FMN1: variants seen among roughly 807,000 people sequenced by gnomAD.
The protein encoded by FMN1 is formin-1.
In FMN1, 110 loss-of-function variants were observed where a neutral mutation model predicts 132.4. The ratio of observed to expected loss-of-function variants is 0.83; its 90% CI spans 0.71 to 0.97. The LOEUF (loss-of-function observed/expected upper bound fraction) is 0.97, where lower values mean the gene tolerates loss of function less well. FMN1 is among the 50% of genes least tolerant of loss of function. FMN1 has a pLI of 0.00. For missense variants in FMN1, 1,792 were observed against 1,705.3 expected (o/e 1.05, Z -0.90); for synonymous variants, 722 against 651.7 (o/e 1.11, Z -1.64).
At chr15:33,157,933 G>A (rs576560406) in intron 3 of FMN1, among the ~76,000 whole-genome samples, 16 of 150,954 alleles carry the variant, frequency 1.1e-4, no homozygotes, top group African/African-American at 3.9e-4. Context: ...GCAGTGGACT[G>A]AGATTGCGCC....
chr15:32,969,776 T>C (rs2031624161), intron 7 of FMN1, among the ~76,000 whole-genome samples: 1 of 152,238 alleles, frequency 6.6e-6, no homozygotes. Flanking sequence ...CCAATTTGCA[T>C]ATCAAACACA....
At chr15:33,056,125 T>G (rs958784579) in intron 6 of FMN1, among the ~76,000 whole-genome samples, 10 of 152,210 alleles carry the variant, frequency 6.6e-5, no homozygotes, top group Admixed American at 2.6e-4. Context: ...AAAATCCCTT[T>G]GAAACACTGT....
intron 6 of FMN1, among the ~76,000 whole-genome samples, chr15:33,010,457 G>A (rs1290748594): frequency 6.6e-6 from 1 of 152,002 alleles, no homozygotes; most frequent in African/African-American, 2.4e-5. Context: ...ACCAAAAAAA[G>A]GATGTTAATT....
intron 6 of FMN1, among the ~76,000 whole-genome samples, chr15:33,046,764 A>T (rs560968249): frequency 3.4e-4 from 51 of 152,000 alleles, no homozygotes; most frequent in East Asian, 3.3e-3. Flanking sequence ...CTCTCTGTGC[A>T]AACTGGTTGA....
chr15:33,178,711 C>T (rs994888127), intron 3 of FMN1, among the ~76,000 whole-genome samples: 1 of 152,180 alleles, frequency 6.6e-6, no homozygotes, highest in African/African-American at 2.4e-5. Flanking sequence ...CTGATAGATA[C>T]ACTGGCATTC....
At position 33,089,080 on chromosome 15, in the gene FMN1, A is replaced by G. The variant is rs77192199; in HGVS notation, c.1868-106T>C. ...CATAGACTTCTCTATGCTAGCTCTT[A>G]CTTTGCTTTCTAAGTTATATTTTTA... On this transcript the variant is annotated intron_variant, in intron 4 of 20. Transcript: ENST00000616417. The G allele has an allele frequency of 7.3e-3, 6,517 of 892,688 alleles. 308 individuals carry two copies. The African/African-American group carries it at 0.099, about 14-fold the overall frequency. The allele number at this position is 892,688 out of a possible 1,614,324, so 55.3% of individuals were successfully genotyped here.
At chr15:32,981,816 T>C (rs1351803894) in intron 7 of FMN1, among the ~76,000 whole-genome samples, 1 of 152,034 alleles carries the variant, frequency 6.6e-6, no homozygotes, top group Admixed American at 6.6e-5. Flanking sequence ...AAACACAATA[T>C]TGCACACAAT....
chr15:32,998,821 G>T (rs1205665907), intron 7 of FMN1, among the ~76,000 whole-genome samples: 1 of 152,140 alleles, frequency 6.6e-6, no homozygotes, highest in Non-Finnish European at 1.5e-5. Context: ...AACCATCATT[G>T]GCCCCCATGA....
intron 9 of FMN1, among the ~76,000 whole-genome samples, chr15:32,938,175 C>A (rs1483811433): frequency 1.3e-5 from 2 of 151,706 alleles, no homozygotes; most frequent in Admixed American, 6.6e-5. Context: ...GCAGGCAGAG[C>A]CATTTCTAAA....
At chr15:33,126,069 G>A (rs1025172518) in intron 4 of FMN1, among the ~76,000 whole-genome samples, 5 of 152,172 alleles carry the variant, frequency 3.3e-5, no homozygotes, top group African/African-American at 4.8e-5. Context: ...GTGGATGAAA[G>A]GGCTTTGCAG....
rs1595572470 is a variant in FMN1, at chr15:33,153,055, T to C, written c.1860A>G (p.Ser620=). 2.0e-6 allele frequency: 3 copies of C among 1,518,564 alleles called. No homozygotes were observed. Among genetic ancestry groups the C allele is most frequent in the Non-Finnish European group, 1.8e-6 (2 of 1,139,542 alleles). 94.1% of individuals were successfully genotyped at this position (1,518,564 alleles called of 1,614,324 possible). A position where few individuals can be genotyped will look rare whatever the true frequency, so the allele number is the denominator to read the frequency against. Residue 620 remains serine (S), a synonymous_variant, in exon 4 of 21, where the codon TCA becomes TCG. Coordinates refer to ENST00000616417, the MANE Select transcript of FMN1 (RefSeq NM_001277313.2). ...TCTTAAACAGAGACTAACCTGGAGG[T>C]GACTGGTGCTGGGGCTCAGCTGTGG... ...GKTTAEPQHQ[S]PPGISSEGFP...
At chr15:33,118,428 T>C (rs1233140352) in intron 4 of FMN1, among the ~76,000 whole-genome samples, 1 of 152,144 alleles carries the variant, frequency 6.6e-6, no homozygotes, top group Non-Finnish European at 1.5e-5. Context: ...TGGCTTCAAA[T>C]AAGCACCAGC....
intron 3 of FMN1, among the ~76,000 whole-genome samples, chr15:33,165,143 C>T (rs1965046422): frequency 6.6e-6 from 1 of 152,208 alleles, no homozygotes; most frequent in South Asian, 2.1e-4. Context: ...GGTGACAGCA[C>T]AGCATCTCGC....
At chr15:33,007,897 C>T in intron 7 of FMN1, 117 bp downstream of exon 7, 1 of 771,642 alleles carries the variant, frequency 1.3e-6, no homozygotes, top group Non-Finnish European at 2.1e-6. Context: ...CTGGCAGCTG[C>T]AAGATGCGAT....
At chr15:32,877,289 G>GAAAAAAAA (rs146024325) in intron 16 of FMN1, among the ~76,000 whole-genome samples, 1 of 136,236 alleles carries the variant, frequency 7.3e-6, no homozygotes. Context: ...TCTGTCTCAG[G>GAAAAAAAA]AAAAAAAAAA....
chr15:33,086,241 A>G (rs1269009380), intron 5 of FMN1, among the ~76,000 whole-genome samples: 2 of 149,286 alleles, frequency 1.3e-5, no homozygotes, highest in East Asian at 2.0e-4. Context: ...ACAGAGCAAG[A>G]CTCCATCTCA....
intron 7 of FMN1, among the ~76,000 whole-genome samples, chr15:33,002,425 T>G (rs1295766229): frequency 6.6e-6 from 1 of 152,230 alleles, no homozygotes; most frequent in Non-Finnish European, 1.5e-5. Flanking sequence ...GGGGTGATAT[T>G]CAGTGAGTAC....
intron 6 of FMN1, among the ~76,000 whole-genome samples, chr15:33,061,864 A>G (rs528901197): frequency 3.3e-4 from 50 of 152,144 alleles, no homozygotes; most frequent in Non-Finnish European, 6.0e-4. Context: ...ATACCAAATT[A>G]AATTTTTCAT....
At chr15:32,891,423 T>C (rs1241615842) in intron 15 of FMN1, among the ~76,000 whole-genome samples, 1 of 152,234 alleles carries the variant, frequency 6.6e-6, no homozygotes, top group African/African-American at 2.4e-5. Context: ...AATTTATTTT[T>C]AGTAGAGACG....
Sources: gnomAD v4.1 joint callset for allele counts (sites outside exome capture counted in the v4.1 genomes callset) on GRCh38, gnomAD v4.1.1 for gene constraint, MANE v1.5 for transcripts, NCBI Gene and HGNC (gene_info 2026-07-23, HGNC 2026-07-21) for gene names.